OVOL2: variants seen among roughly 807,000 people sequenced by gnomAD.
OVOL2 encodes the protein ovo like zinc finger 2.
Under a neutral mutation model 18.1 loss-of-function variants are expected in OVOL2, and 13 were observed. The ratio of observed to expected loss-of-function variants is 0.72; its 90% CI spans 0.47 to 1.14. OVOL2 has a LOEUF of 1.14. Among genes scored for constraint, OVOL2 ranks in the 50% most tolerant of loss-of-function variants. OVOL2 has a pLI of 0.00. For synonymous variants in OVOL2, 166 were observed against 162.7 expected, an observed-to-expected ratio of 1.02 and a Z score of -0.16; for missense variants, 335 against 383.0, an observed-to-expected ratio of 0.87 and a Z score of 1.05.
chr20:18,051,134 G>A (rs1267832525), intron 2 of OVOL2, among the ~76,000 whole-genome samples: 1 of 152,118 alleles, frequency 6.6e-6, no homozygotes, highest in African/African-American at 2.4e-5. Context: ...CTAGCACTTT[G>A]GGAGGCTGAG....
intron 3 of OVOL2, among the ~76,000 whole-genome samples, chr20:18,036,422 G>C (rs1472431582): frequency 6.6e-6 from 1 of 151,884 alleles, no homozygotes; most frequent in Non-Finnish European, 1.5e-5. Flanking sequence ...TGAGACTCAG[G>C]AGCCACACAC....
In OVOL2 at chr20:18,028,263, G is replaced by A. The variant is rs922737562; in HGVS notation, c.512-3311C>T. On this transcript the variant is annotated intron_variant, in intron 3 of 3. Coordinates refer to ENST00000278780, the MANE Select transcript of OVOL2 (RefSeq NM_021220.4). ...ATAATCTTGGCTCACTGCAACCTCC[G>A]CTTCCCTAGTTCAAGCAATTCTCCT... Among the ~76,000 whole-genome samples the A allele has an allele frequency of 1.3e-4, 19 of 151,880 alleles. No individual in the cohort carries two copies. In the Middle Eastern group the frequency reaches 0.01, roughly 82 times the overall value.
chr20:18,054,671 G>A (rs558998268), intron 2 of OVOL2, among the ~76,000 whole-genome samples: 8 of 151,164 alleles, frequency 5.3e-5, no homozygotes, highest in African/African-American at 1.5e-4. Context: ...GAACCCGGGA[G>A]GCAGAGGTTG....
chr20:18,024,564 G>C lies in OVOL2; in HGVS notation c.*72C>G, dbSNP rs2036491116. On this transcript the variant is annotated 3_prime_UTR_variant, in exon 4 of 4. Coordinates refer to ENST00000278780, the MANE Select transcript of OVOL2 (RefSeq NM_021220.4). Reference sequence around the variant, plus strand: ...TAATTAAGAAGAGCCAGTGGGGTGGGGGAAGCTGAAAACCAAAAATCCACG... The same window carrying C: ...TAATTAAGAAGAGCCAGTGGGGTGGCGGAAGCTGAAAACCAAAAATCCACG... 6.8e-7 allele frequency: 1 copy of C among 1,476,102 alleles called. No individual in the cohort carries two copies. The highest frequency in any genetic ancestry group is 2.5e-5 in the East Asian group (1 of 40,330). The allele number at this position is 1,476,102 out of a possible 1,614,324, so 91.4% of individuals were successfully genotyped here. A position where few individuals can be genotyped will look rare whatever the true frequency, so the allele number is the denominator to read the frequency against.
chr20:18,056,286 C>T lies in OVOL2; in HGVS notation c.321+371G>A, dbSNP rs970216354. ...AGAGCGCTGAGGCTTCCTTTCCAACCTCAGGAACTCCGACGGCCTTGGTTA... is the reference window on the plus strand; with the variant it reads ...AGAGCGCTGAGGCTTCCTTTCCAACTTCAGGAACTCCGACGGCCTTGGTTA... On this transcript the variant is annotated intron_variant, in intron 2 of 3. Transcript: ENST00000278780. The surrounding 1 kb of genome is among the most constrained non-coding windows in gnomAD (Gnocchi z 4.2). Among the ~76,000 whole-genome samples, 1 of 152,266 alleles carries T rather than the reference C, an allele frequency of 6.6e-6. No homozygotes were observed. The highest frequency in any genetic ancestry group is 2.4e-5 in the African/African-American group (1 of 41,474).
At chr20:18,047,729 C>G (rs1027880656) in intron 2 of OVOL2, among the ~76,000 whole-genome samples, 1 of 146,630 alleles carries the variant, frequency 6.8e-6, no homozygotes. Flanking sequence ...TGGTAGGTGC[C>G]TATAATCCCA....
At chr20:18,048,996 A>T (rs2036748433) in intron 2 of OVOL2, among the ~76,000 whole-genome samples, 2 of 152,232 alleles carry the variant, frequency 1.3e-5, no homozygotes, top group African/African-American at 4.8e-5. Flanking sequence ...AAGGCTTATT[A>T]ACGAGGTGGG....
In OVOL2 at chr20:18,056,741, G is replaced by A; in HGVS notation, c.237C>T (p.Ser79=). 1.3e-6 allele frequency: 2 copies of A among 1,484,548 alleles called. No homozygotes were observed. The highest frequency in any genetic ancestry group is 1.8e-6 in the Non-Finnish European group (2 of 1,124,956). The allele number at this position is 1,484,548 out of a possible 1,614,324, so 92.0% of individuals were successfully genotyped here. Residue 79 remains serine, a synonymous_variant, in exon 2 of 4, where the codon AGC becomes AGT. Transcript: ENST00000278780. This position sits in a 1 kb window ranked among gnomAD's most constrained non-coding sequence, Gnocchi z 4.2. ...CGGCGTCGCCGGGCTCGGGGGTTTC[G>A]CTCTCGGGGGCGTGCGGGGACGAGC... ...ESSSSPHAPE[S]ETPEPGDAEG... is the part of the protein sequence containing the mutation.
chr20:18,046,325 C>G (rs1206669377), intron 2 of OVOL2, among the ~76,000 whole-genome samples: 1 of 152,092 alleles, frequency 6.6e-6, no homozygotes, highest in Non-Finnish European at 1.5e-5. Flanking sequence ...TGTGAAAAAA[C>G]GGTGGCAGAA....
intron 2 of OVOL2, among the ~76,000 whole-genome samples, chr20:18,051,008 T>C (rs576072991): frequency 6.6e-6 from 1 of 152,142 alleles, no homozygotes; most frequent in Admixed American, 6.6e-5. Context: ...GGAGCTTATA[T>C]TCCCTTCCAA....
chr20:18,030,239 G>A (rs1038074377), intron 3 of OVOL2, among the ~76,000 whole-genome samples: 6 of 152,156 alleles, frequency 3.9e-5, no homozygotes, highest in Admixed American at 6.5e-5. Flanking sequence ...ATGCAGCAGC[G>A]AGCAGCTGGC....
At chr20:18,026,403 A>G (rs1286794483) in intron 3 of OVOL2, among the ~76,000 whole-genome samples, 4 of 139,818 alleles carry the variant, frequency 2.9e-5, no homozygotes, top group Non-Finnish European at 4.6e-5. Context: ...TTTTTTTGAG[A>G]CGGAGTCTGG....
At chr20:18,027,563 T>C (rs1229595600) in intron 3 of OVOL2, among the ~76,000 whole-genome samples, 1 of 151,370 alleles carries the variant, frequency 6.6e-6, no homozygotes. Flanking sequence ...AATAAATAAA[T>C]AAATGAAATT....
At chr20:18,040,335 T>C (rs986977384) in intron 3 of OVOL2, among the ~76,000 whole-genome samples, 3 of 151,924 alleles carry the variant, frequency 2.0e-5, no homozygotes, top group African/African-American at 7.3e-5. Context: ...TGGAGTGAGA[T>C]GGGCTGATCT....
rs1555796784 is a variant in OVOL2 at position 18,056,809 on chromosome 20, T to TGCCGCTGCTGCTGCCGCC, written c.151_168dup (p.Gly51_Gly56dup). On this transcript the variant is annotated inframe_insertion, in exon 2 of 4. Coordinates refer to ENST00000278780, the MANE Select transcript of OVOL2 (RefSeq NM_021220.4). The surrounding 1 kb of genome is among the most constrained non-coding windows in gnomAD (Gnocchi z 4.2). ...GGCTCCCCCGCGCTGCTGCTGCCGC[T>TGCCGCTGCTGCTGCCGCC]GCCGCTGCTGCTGCCGCCGTCGCTG... 1.3e-6 allele frequency: 2 copies of TGCCGCTGCTGCTGCCGCC among 1,491,772 alleles called. No individual in the cohort carries two copies. The highest frequency in any genetic ancestry group is 1.8e-6 in the Non-Finnish European group (2 of 1,128,180). The allele number at this position is 1,491,772 out of a possible 1,614,324, so 92.4% of individuals were successfully genotyped here.
At chr20:18,043,139 G>A (rs2036690418) in intron 2 of OVOL2, among the ~76,000 whole-genome samples, 1 of 152,182 alleles carries the variant, frequency 6.6e-6, no homozygotes, top group Non-Finnish European at 1.5e-5. Flanking sequence ...CTTGGACCAT[G>A]AGGTGGGAGG....
chr20:18,041,052 C>T lies in OVOL2; in HGVS notation c.511+482G>A, dbSNP rs569873965. The stretch of plus-strand genomic sequence containing the variant: ...ATCTCCATTTTACAGGGGTGAAAGG[C>T]AGGCTACCAAAGGTGGCTCACCTGG... On this transcript the variant is annotated intron_variant, in intron 3 of 3. Coordinates refer to ENST00000278780, the MANE Select transcript of OVOL2 (RefSeq NM_021220.4). 3.3e-5 allele frequency among the ~76,000 whole-genome samples: 5 copies of T among 152,348 alleles called. No homozygotes were observed. The South Asian group carries it at 1.0e-3, about 32-fold the overall frequency.
chr20:18,049,646 A>G (rs2036755047), intron 2 of OVOL2, among the ~76,000 whole-genome samples: 4 of 151,744 alleles, frequency 2.6e-5, no homozygotes, highest in African/African-American at 9.7e-5. Context: ...GATGAAGGGA[A>G]TATATATCTT....
chr20:18,043,076 G>T (rs1052310874), intron 2 of OVOL2, among the ~76,000 whole-genome samples: 1 of 152,156 alleles, frequency 6.6e-6, no homozygotes, highest in Admixed American at 6.5e-5. Context: ...GGGAGCAAAC[G>T]GTGCCTTCTT....
Sources: gnomAD v4.1 joint callset for allele counts (sites outside exome capture counted in the v4.1 genomes callset) on GRCh38, gnomAD v4.1.1 for gene constraint, Gnocchi (gnomAD v3.1) non-coding constraint, MANE v1.5 for transcripts, NCBI Gene and HGNC (gene_info 2026-07-23, HGNC 2026-07-21) for gene names.